DPYS: variants seen among roughly 807,000 people sequenced by gnomAD.
DPYS encodes the protein dihydropyrimidinase, also known as dihydropyrimidine amidohydrolase.
DPYS carries 39 observed loss-of-function variants against 50.3 expected under a neutral mutation model. The observed-to-expected ratio is 0.78, with a 90% CI of 0.60 to 1.01. The LOEUF is 1.01. Ranked by LOEUF, DPYS falls within the 50% of genes least tolerant of loss-of-function variation. DPYS has a pLI of 0.00. For missense variants in DPYS, 659 were observed against 680.9 expected (o/e 0.97, Z 0.36); for synonymous variants, 245 against 250.7 (o/e 0.98, Z 0.22).
chr8:104,381,378 C>G (rs1433259484), intron 8 of DPYS, 64 bp from the exon 9 acceptor site: 1 of 1,421,390 alleles, frequency 7.0e-7, no homozygotes, highest in African/African-American at 1.4e-5. Flanking sequence ...TTAAGTGTAG[C>G]TCCCTTTATG....
At chr8:104,456,814 A>T (rs1464272775) in intron 1 of DPYS, among the ~76,000 whole-genome samples, 1 of 152,002 alleles carries the variant, frequency 6.6e-6, no homozygotes, top group Non-Finnish European at 1.5e-5. Context: ...TATCTAAAAA[A>T]CTCTTTTGGG....
At chr8:104,427,102 G>C (rs1812751882) in intron 6 of DPYS, among the ~76,000 whole-genome samples, 1 of 150,680 alleles carries the variant, frequency 6.6e-6, no homozygotes, top group Non-Finnish European at 1.5e-5. Flanking sequence ...TTGGGAGGCT[G>C]AGGCAGGAGA....
chr8:104,437,520 G>C (rs917826975), intron 4 of DPYS, among the ~76,000 whole-genome samples: 2 of 152,122 alleles, frequency 1.3e-5, no homozygotes, highest in Non-Finnish European at 2.9e-5. Context: ...CCAACATCTG[G>C]AAATTACACA....
chr8:104,458,757 T>A (rs1269150805), intron 1 of DPYS, among the ~76,000 whole-genome samples: 1 of 152,196 alleles, frequency 6.6e-6, no homozygotes, highest in Non-Finnish European at 1.5e-5. Flanking sequence ...ATATTGCTAG[T>A]CCTGGCCCTG....
rs1200872968 is a variant in DPYS, at chr8:104,397,454, G to A, written c.1236-4463C>T. ...GTTGGTTTAAATTCCTGCCTCCACTGTCTTCTGGGACATGACTGTGTTTTG... is the reference window on the plus strand; with the variant it reads ...GTTGGTTTAAATTCCTGCCTCCACTATCTTCTGGGACATGACTGTGTTTTG... On this transcript the variant is annotated intron_variant, in intron 7 of 9. Transcript: ENST00000351513. Among the ~76,000 whole-genome samples the A allele has an allele frequency of 2.6e-5, 4 of 152,266 alleles. No individual in the cohort carries two copies. In the East Asian group the frequency reaches 7.7e-4, roughly 29 times the overall value.
intron 7 of DPYS, among the ~76,000 whole-genome samples, chr8:104,393,738 T>A (rs1811482574): frequency 6.6e-6 from 1 of 152,206 alleles, no homozygotes; most frequent in Admixed American, 6.5e-5. Context: ...TTAAATCTCA[T>A]TAAATGGAAA....
At chr8:104,395,544 T>C (rs1035206225) in intron 7 of DPYS, among the ~76,000 whole-genome samples, 2 of 152,212 alleles carry the variant, frequency 1.3e-5, no homozygotes, top group Admixed American at 1.3e-4. Context: ...AAGACTGTCA[T>C]ATAAGTAGAA....
At position 104,460,670 on chromosome 8, in the gene DPYS, T is replaced by C. The variant is rs148450927; in HGVS notation, c.264+5987A>G. 3.4e-3 allele frequency among the ~76,000 whole-genome samples: 516 copies of C among 152,330 alleles called. 4 individuals carry two copies. The highest frequency in any genetic ancestry group is 0.011 in the African/African-American group (478 of 41,568). On this transcript the variant is annotated intron_variant, in intron 1 of 9. Coordinates refer to ENST00000351513, the MANE Select transcript of DPYS (RefSeq NM_001385.3). Reference sequence around the variant, plus strand: ...TATCAAAGCTGAAATAAGGCAAGTCTTGGAATCTAAGTCAGTGAAAGGATT... The same window carrying C: ...TATCAAAGCTGAAATAAGGCAAGTCCTGGAATCTAAGTCAGTGAAAGGATT...
chr8:104,439,347 A>G (rs1813262744), intron 4 of DPYS, among the ~76,000 whole-genome samples: 1 of 152,188 alleles, frequency 6.6e-6, no homozygotes, highest in Non-Finnish European at 1.5e-5. Flanking sequence ...GAAGATACTT[A>G]CTTTCCATTT....
chr8:104,380,950 A>T (rs1460950066), intron 9 of DPYS: 1 of 461,764 alleles, frequency 2.2e-6, no homozygotes, highest in Admixed American at 3.3e-5. Context: ...CCAAGGCTGT[A>T]TTGAATGTTT....
At chr8:104,386,913 C>T (rs1811230106) in intron 8 of DPYS, among the ~76,000 whole-genome samples, 1 of 152,134 alleles carries the variant, frequency 6.6e-6, no homozygotes, top group Admixed American at 6.5e-5. Flanking sequence ...CAGGTGTGAG[C>T]CACCACGCCT....
intron 8 of DPYS, among the ~76,000 whole-genome samples, chr8:104,381,873 CACACACACACAT>C (rs1483708854): frequency 5.0e-5 from 6 of 120,920 alleles, no homozygotes; most frequent in African/African-American, 6.8e-5. Flanking sequence ...CACACACACA[CACACACACACAT>C]ACACACAGAC....
At chr8:104,432,926 G>C (rs1813003104) in intron 4 of DPYS, among the ~76,000 whole-genome samples, 1 of 152,168 alleles carries the variant, frequency 6.6e-6, no homozygotes, top group Non-Finnish European at 1.5e-5. Context: ...TGGTACCTCA[G>C]AATGTAACTG....
rs1812794446 is a variant in DPYS at position 104,428,041 on chromosome 8, T to G, written c.1031A>C (p.Lys344Thr). 1.2e-6 allele frequency: 2 copies of G among 1,614,128 alleles called. No homozygotes were observed. The highest frequency in any genetic ancestry group is 8.5e-7 in the Non-Finnish European group (1 of 1,180,042). ...QKALGKDDFTKIPNGVNGVED... is the reference protein window; with the variant it reads ...QKALGKDDFTTIPNGVNGVED... ...AACACCATTCACCCCATTGGGGATC[T>G]TGGTAAAATCATCCTTCCCAAGAGC... The change falls in exon 6 of 10, where the codon AAG becomes ACG. Residue 344 changes from lysine (K) to threonine (T), a missense_variant. Coordinates refer to ENST00000351513, the MANE Select transcript of DPYS (RefSeq NM_001385.3).
intron 4 of DPYS, among the ~76,000 whole-genome samples, chr8:104,441,971 G>A (rs1218928617): frequency 4.6e-5 from 7 of 152,166 alleles, no homozygotes; most frequent in African/African-American, 1.7e-4. Context: ...AAGGTGTATA[G>A]TATGCTACCT....
At chr8:104,451,439 T>C in intron 1 of DPYS, 35 bp from the exon 2 acceptor site, 2 of 1,613,090 alleles carry the variant, frequency 1.2e-6, no homozygotes, top group Non-Finnish European at 1.7e-6. Context: ...AAATTAGCTA[T>C]CAATTTCCTA....
chr8:104,405,232 C>T (rs1429813178), intron 7 of DPYS, among the ~76,000 whole-genome samples: 1 of 152,168 alleles, frequency 6.6e-6, no homozygotes, highest in African/African-American at 2.4e-5. Flanking sequence ...AACAATCCAC[C>T]TTTGTATTTC....
intron 1 of DPYS, among the ~76,000 whole-genome samples, chr8:104,462,816 A>G (rs944727618): frequency 2.0e-5 from 3 of 152,260 alleles, no homozygotes; most frequent in African/African-American, 7.2e-5. Flanking sequence ...CCTCATAGAT[A>G]TTGAATTATC....
At chr8:104,399,322 A>C (rs1400516241) in intron 7 of DPYS, among the ~76,000 whole-genome samples, 1 of 150,802 alleles carries the variant, frequency 6.6e-6, no homozygotes, top group Non-Finnish European at 1.5e-5. Flanking sequence ...AACAACAAAA[A>C]AAAACCAAGA....
Sources: gnomAD v4.1 joint callset for allele counts (sites outside exome capture counted in the v4.1 genomes callset) on GRCh38, gnomAD v4.1.1 for gene constraint, MANE v1.5 for transcripts, NCBI Gene and HGNC (gene_info 2026-07-23, HGNC 2026-07-21) for gene names.